XPO4: variants seen among roughly 807,000 people sequenced by gnomAD.
XPO4 encodes the protein exportin-4.
Under a neutral mutation model 143.0 loss-of-function variants are expected in XPO4, and 39 were observed. The ratio of observed to expected loss-of-function variants is 0.27; its 90% CI spans 0.21 to 0.36. XPO4 has a LOEUF of 0.36. XPO4 is among the 10% of genes least tolerant of loss of function. The pLI is 1.00. For missense variants in XPO4, 907 were observed against 1,348.0 expected (o/e 0.67, Z 5.12); for synonymous variants, 439 against 474.0 (o/e 0.93, Z 0.96).
Position 20,783,215 on chromosome 13 carries a change from C to T in XPO4, c.*507G>A, listed in dbSNP as rs2059161317. The T allele has an allele frequency of 6.3e-6, 1 of 158,164 alleles. No individual in the cohort carries two copies. Among genetic ancestry groups the T allele is most frequent in the Non-Finnish European group, 1.4e-5 (1 of 71,944 alleles). The allele number at this position is 158,164 out of a possible 1,614,324, so 9.8% of individuals were successfully genotyped here. On this transcript the variant is annotated 3_prime_UTR_variant, in exon 23 of 23. Transcript: ENST00000255305. ...AGGGAGAAGCTTATTAACATGAAGA[C>T]TCCTGGGCCCAACAACCAGACATTC...
chr13:20,822,066 T>A, intron 8 of XPO4, 66 bp downstream of exon 8: 1 of 1,511,762 alleles, frequency 6.6e-7, no homozygotes, highest in Non-Finnish European at 8.8e-7. Flanking sequence ...AGTTTCTTTT[T>A]TTCTTCTACT....
intron 1 of XPO4, among the ~76,000 whole-genome samples, chr13:20,896,764 C>G (rs2060573668): frequency 6.6e-6 from 1 of 152,134 alleles, no homozygotes; most frequent in African/African-American, 2.4e-5. Flanking sequence ...TATTAAATAA[C>G]AGTTATATTA....
chr13:20,797,453 T>C (rs1199683303), intron 16 of XPO4, among the ~76,000 whole-genome samples: 1 of 152,232 alleles, frequency 6.6e-6, no homozygotes, highest in South Asian at 2.1e-4. Flanking sequence ...TCTGTTTTTT[T>C]CCTTTTTCCT....
At chr13:20,865,506 T>C in intron 2 of XPO4, 1 of 985,280 alleles carries the variant, frequency 1.0e-6, no homozygotes, top group Non-Finnish European at 1.2e-6. Context: ...GAGAATAAAT[T>C]ATTTTAGGTC....
At chr13:20,819,302 T>C (rs920176551) in intron 9 of XPO4, among the ~76,000 whole-genome samples, 3 of 152,190 alleles carry the variant, frequency 2.0e-5, no homozygotes, top group African/African-American at 7.2e-5. Context: ...TCATCATCTT[T>C]TCATCCCATG....
chr13:20,847,944 A>G (rs965049809), intron 4 of XPO4, among the ~76,000 whole-genome samples: 1 of 152,240 alleles, frequency 6.6e-6, no homozygotes, highest in Non-Finnish European at 1.5e-5. Context: ...GAAACGTCCT[A>G]TAAATTTTTC....
At chr13:20,859,115 T>C (rs146328980) in intron 3 of XPO4, among the ~76,000 whole-genome samples, 1 of 151,354 alleles carries the variant, frequency 6.6e-6, no homozygotes. Context: ...GAGGACTGTT[T>C]GAGCTCAGGA....
chr13:20,800,780 T>C, intron 14 of XPO4, 51 bp downstream of exon 14: 1 of 1,588,846 alleles, frequency 6.3e-7, no homozygotes, highest in Non-Finnish European at 8.6e-7. Context: ...CCTGCTTCTA[T>C]AACTGCTATC....
chr13:20,893,540 C>G (rs901799817), intron 1 of XPO4, among the ~76,000 whole-genome samples: 3 of 152,028 alleles, frequency 2.0e-5, no homozygotes, highest in African/African-American at 4.8e-5. Flanking sequence ...GAGTTCGAGA[C>G]CAGTCTAGCC....
In XPO4 at chr13:20,781,172, A is replaced by G. The variant is rs1402583179; in HGVS notation, c.*2550T>C. On this transcript the variant is annotated 3_prime_UTR_variant, in exon 23 of 23. Transcript: ENST00000255305. ...ATTTTAACAACAGTTTTAATAGAAA[A>G]AAAATCAACTGACTTGAATTAAGCC... The G allele has an allele frequency of 6.6e-6, 1 of 152,246 alleles. No homozygotes were observed. Among genetic ancestry groups the G allele is most frequent in the Non-Finnish European group, 1.5e-5 (1 of 68,040 alleles). The allele number at this position is 152,246 out of a possible 1,614,324, so 9.4% of individuals were successfully genotyped here. A position where few individuals can be genotyped will look rare whatever the true frequency, so the allele number is the denominator to read the frequency against.
chr13:20,873,498 A>AT (rs746659082), intron 1 of XPO4, among the ~76,000 whole-genome samples: 7 of 152,236 alleles, frequency 4.6e-5, no homozygotes, highest in Non-Finnish European at 8.8e-5. Context: ...CACAGGCACT[A>AT]AACAGTCACA....
intron 1 of XPO4, among the ~76,000 whole-genome samples, chr13:20,887,509 T>C (rs1408553831): frequency 1.3e-5 from 2 of 152,164 alleles, no homozygotes; most frequent in Admixed American, 6.6e-5. Flanking sequence ...GATAATAATA[T>C]ACACTGTGAC....
intron 12 of XPO4, among the ~76,000 whole-genome samples, 165 bp from the exon 13 acceptor site, chr13:20,807,799 C>T (rs754318849): frequency 1.3e-5 from 2 of 152,102 alleles, no homozygotes; most frequent in African/African-American, 2.4e-5. Context: ...TTCTATGTCT[C>T]AGATAAGTAA....
At chr13:20,870,923 G>A (rs2060291277) in intron 1 of XPO4, among the ~76,000 whole-genome samples, 1 of 151,928 alleles carries the variant, frequency 6.6e-6, no homozygotes, top group Non-Finnish European at 1.5e-5. Flanking sequence ...TAATCCTCCT[G>A]CCTCAGTCTC....
chr13:20,796,024 A>T, intron 18 of XPO4, 52 bp downstream of exon 18: 1 of 1,499,330 alleles, frequency 6.7e-7, no homozygotes, highest in Non-Finnish European at 9.0e-7. Context: ...CCTTTGATTT[A>T]ATAAAAAGGA....
intron 1 of XPO4, among the ~76,000 whole-genome samples, chr13:20,871,908 A>G (rs2138141041): frequency 6.6e-6 from 1 of 152,284 alleles, no homozygotes; most frequent in South Asian, 2.1e-4. Flanking sequence ...ATTTATATTA[A>G]CCACCTGGTT....
At chr13:20,876,010 G>A (rs1595153653) in intron 1 of XPO4, among the ~76,000 whole-genome samples, 1 of 151,566 alleles carries the variant, frequency 6.6e-6, no homozygotes, top group African/African-American at 2.4e-5. Flanking sequence ...AGCACTTTGG[G>A]AGGCCGAGGC....
chr13:20,865,546 A>G (rs1424417845), intron 2 of XPO4: 7 of 976,272 alleles, frequency 7.2e-6, no homozygotes, highest in Non-Finnish European at 8.5e-6. Flanking sequence ...ATCTGCTACC[A>G]CAGTAACTTT....
At chr13:20,848,058 A>G (rs951798015) in intron 4 of XPO4, among the ~76,000 whole-genome samples, 2 of 152,228 alleles carry the variant, frequency 1.3e-5, no homozygotes, top group Non-Finnish European at 1.5e-5. Flanking sequence ...ACGTGGTGCC[A>G]GATCCCAATG....
Sources: allele counts gnomAD v4.1 joint callset (sites outside exome capture counted in the v4.1 genomes callset), GRCh38; gene constraint gnomAD v4.1.1; transcripts MANE v1.5; gene names NCBI Gene and HGNC (gene_info 2026-07-23, HGNC 2026-07-21).